Variants in PLD2 observed in about 807,000 individuals in gnomAD.
PLD2 encodes phospholipase D2.
In PLD2, 101 loss-of-function variants were observed where a neutral mutation model predicts 119.8. The observed-to-expected ratio is 0.84, with a 90% CI of 0.72 to 0.99. The LOEUF (loss-of-function observed/expected upper bound fraction) is 0.99, where lower values mean the gene tolerates loss of function less well. Ranked by LOEUF, PLD2 falls within the 50% of genes least tolerant of loss-of-function variation. The pLI is 0.00. For synonymous variants in PLD2, 494 were observed against 482.8 expected (o/e 1.02, Z -0.30); for missense variants, 1,164 against 1,226.8 (o/e 0.95, Z 0.76).
At chr17:4,817,946 A>T (rs184112613) in intron 17 of PLD2, 56 bp from the exon 18 acceptor site, 49 of 1,248,190 alleles carry the variant, frequency 3.9e-5, no homozygotes, top group Non-Finnish European at 5.6e-5. Context: ...CAACAGAGCG[A>T]GACTCTGTCT....
chr17:4,807,612 T>G lies in PLD2; in HGVS notation c.-1-160T>G. 5 of 508,788 alleles carry G rather than the reference T, an allele frequency of 9.8e-6. No homozygotes were observed. The highest frequency in any genetic ancestry group is 5.3e-5 in the South Asian group (2 of 37,934). 31.5% of individuals were successfully genotyped at this position (508,788 alleles called of 1,614,324 possible). On this transcript the variant is annotated intron_variant, in intron 1 of 24. Coordinates refer to ENST00000263088, the MANE Select transcript of PLD2 (RefSeq NM_002663.5). The surrounding 1 kb of genome is among the most constrained non-coding windows in gnomAD (Gnocchi z 5.4). ...GGTAGGGGATGGGGGCTCGAAGGGGTCGGTGGGGCGTTGCAAACTGGTCAG... is the reference window on the plus strand; with the variant it reads ...GGTAGGGGATGGGGGCTCGAAGGGGGCGGTGGGGCGTTGCAAACTGGTCAG...
Position 4,810,956 on chromosome 17 carries a change from G to C in PLD2, c.1010+5G>C. 6.2e-7 allele frequency: 1 copy of C among 1,607,232 alleles called. No homozygotes were observed. Among genetic ancestry groups the C allele is most frequent in the Non-Finnish European group, 8.5e-7 (1 of 1,178,544 alleles). On this transcript the variant is annotated splice_donor_5th_base_variant and intron_variant, in intron 10 of 24. Coordinates refer to ENST00000263088, the MANE Select transcript of PLD2 (RefSeq NM_002663.5). ...GCCTGGGACCTTGGCCCGGTGGTGA[G>C]ACACTGACATCCCTTCTGAGCTTGT...
At chr17:4,822,559 G>T (rs1597341939) in intron 24 of PLD2, 81 bp from the exon 25 acceptor site, 1 of 913,864 alleles carries the variant, frequency 1.1e-6, no homozygotes, top group East Asian at 2.5e-5. Context: ...ATGGTATGGG[G>T]GAAGGGGTCT....
At position 4,819,559 on chromosome 17, in the gene PLD2, G is replaced by C. The variant is rs1456341600; in HGVS notation, c.2439G>C (p.Leu813Phe). The C allele has an allele frequency of 2.5e-6, 4 of 1,612,768 alleles. No individual in the cohort carries two copies. The highest frequency in any genetic ancestry group is 3.4e-6 in the Non-Finnish European group (4 of 1,179,318). The change falls in exon 23 of 25, where the codon TTG (leucine) becomes TTC (phenylalanine). Residue 813 changes from leucine (L) to phenylalanine (F), a missense_variant. By Grantham distance (22) the Leu-to-Phe change is conservative. Transcript: ENST00000263088. This position sits in a 1 kb window ranked among gnomAD's most constrained non-coding sequence, Gnocchi z 4.2. ...AGTATCAGGCGGGCAGGTTTGCCTT[G>C]AGTCTGCGGAAGCACTGCTTCGGGT... ...GAEYQAGRFA[L>F]SLRKHCFGVI...
chr17:4,809,411 C>T, intron 6 of PLD2, 48 bp downstream of exon 6: 1 of 1,612,846 alleles, frequency 6.2e-7, no homozygotes, highest in East Asian at 2.2e-5. Context: ...TTATCAGACC[C>T]TCGGGGAGGA....
chr17:4,821,250 G>C (rs1025227482), intron 23 of PLD2, among the ~76,000 whole-genome samples: 3 of 151,622 alleles, frequency 2.0e-5, no homozygotes, highest in Non-Finnish European at 2.9e-5. Context: ...TCTGAGGATT[G>C]GGGAAAGAAC....
rs1214093387 is a variant in PLD2, at chr17:4,822,693, G to GT, written c.2632dup (p.Tyr878LeufsTer18). On this transcript the variant is annotated frameshift_variant, in exon 25 of 25. Transcript: ENST00000263088. LOFTEE classifies it high-confidence loss of function. ...CGCGTTCCCTGCGGACTCTCCGGGAGTACGTGGCCGTGGAGCCCTTGGCCA... is the reference window on the plus strand; with the variant it reads ...CGCGTTCCCTGCGGACTCTCCGGGAGTTACGTGGCCGTGGAGCCCTTGGCCA... 6.2e-7 allele frequency: 1 copy of GT among 1,614,122 alleles called. No individual in the cohort carries two copies. Among genetic ancestry groups the GT allele is most frequent in the East Asian group, 2.2e-5 (1 of 44,870 alleles).
At position 4,818,528 on chromosome 17, in the gene PLD2, C is replaced by G; in HGVS notation, c.2044C>G (p.Pro682Ala). ...GTGTTACCGAGTCTACGTGCTTTTG[C>G]CCTTACTCCCTGGCTTCGAGGGTGA... ...GWCYRVYVLL[P>A]LLPGFEGDIS... Residue 682 changes from proline to alanine, a missense_variant, in exon 20 of 25, where the codon CCC becomes GCC. Pro to Ala is a conservative substitution (Grantham distance 27, BLOSUM62 -1). Coordinates refer to ENST00000263088, the MANE Select transcript of PLD2 (RefSeq NM_002663.5). 2 of 1,613,968 alleles carry G rather than the reference C, an allele frequency of 1.2e-6. No individual in the cohort carries two copies. The highest frequency in any genetic ancestry group is 1.7e-6 in the Non-Finnish European group (2 of 1,179,900).
At chr17:4,812,910 G>A (rs1182865916) in intron 10 of PLD2, among the ~76,000 whole-genome samples, 1 of 152,134 alleles carries the variant, frequency 6.6e-6, no homozygotes, top group Non-Finnish European at 1.5e-5. Flanking sequence ...GGAGAAGCTG[G>A]GAGTCAGTGG....
rs1906130859 is a variant in PLD2, at chr17:4,808,761, C to A, written c.384-339C>A. ...TCCCTCTGTCACCCAGGCTAGAGTG[C>A]AGTGGTATGATCTTGGCTCATGGCA... On this transcript the variant is annotated intron_variant, in intron 4 of 24. Coordinates refer to ENST00000263088, the MANE Select transcript of PLD2 (RefSeq NM_002663.5). This position sits in a 1 kb window ranked among gnomAD's most constrained non-coding sequence, Gnocchi z 4.1. 6.6e-6 allele frequency among the ~76,000 whole-genome samples: 1 copy of A among 152,148 alleles called. No individual in the cohort carries two copies. The highest frequency in any genetic ancestry group is 1.5e-5 in the Non-Finnish European group (1 of 68,018).
Position 4,808,141 on chromosome 17 carries a change from G to A in PLD2, c.240+27G>A. ...TGGCCAGACTGGCCCCAGGGAGGGGGAAAGGGAGGGCGGCCCGGAATGGAT... is the reference window on the plus strand; with the variant it reads ...TGGCCAGACTGGCCCCAGGGAGGGGAAAAGGGAGGGCGGCCCGGAATGGAT... On this transcript the variant is annotated intron_variant, in intron 3 of 24. Coordinates refer to ENST00000263088, the MANE Select transcript of PLD2 (RefSeq NM_002663.5). The surrounding 1 kb of genome is among the most constrained non-coding windows in gnomAD (Gnocchi z 4.1). The A allele has an allele frequency of 6.3e-7, 1 of 1,599,216 alleles. No homozygotes were observed. The highest frequency in any genetic ancestry group is 8.6e-7 in the Non-Finnish European group (1 of 1,168,666).
chr17:4,809,170 C>A lies in PLD2; in HGVS notation c.454C>A (p.Pro152Thr). The change falls in exon 5 of 25, where the codon CCT becomes ACT. Residue 152 changes from proline to threonine, a missense_variant. Pro to Thr is a conservative substitution (Grantham distance 38). Coordinates refer to ENST00000263088, the MANE Select transcript of PLD2 (RefSeq NM_002663.5). ...GATGCCCTCTCTACCCCGGGCAGGT[C>A]CTGAGGGCTCCACCAGACATGCAGC... Reference protein sequence around the residue: ...REMPSLPRAGPEGSTRHAASK... With the variant: ...REMPSLPRAGTEGSTRHAASK... 1 of 1,614,190 alleles carries A rather than the reference C, an allele frequency of 6.2e-7. No individual in the cohort carries two copies.
Position 4,815,788 on chromosome 17 carries a change from A to C in PLD2, c.1309A>C (p.Thr437Pro). 4.3e-6 allele frequency: 7 copies of C among 1,613,900 alleles called. No individual in the cohort carries two copies. Among genetic ancestry groups the C allele is most frequent in the Non-Finnish European group, 5.1e-6 (6 of 1,179,942 alleles). The change falls in exon 14 of 25, where the codon ACG (threonine) becomes CCG (proline). Residue 437 changes from threonine (T) to proline (P), a missense_variant. Physicochemically the swap from Thr to Pro is conservative, Grantham distance 38 (BLOSUM62 -1). Coordinates refer to ENST00000263088, the MANE Select transcript of PLD2 (RefSeq NM_002663.5). ...IKVMRHPDQV[T>P]LWAHHEKLLV... Reference sequence around the variant, plus strand: ...GGTGATGCGTCACCCAGACCAAGTGACGTTGTGGGCCCATCATGAGAAGCT... The same window carrying C: ...GGTGATGCGTCACCCAGACCAAGTGCCGTTGTGGGCCCATCATGAGAAGCT...
Position 4,808,856 on chromosome 17 carries a change from A to T in PLD2, c.384-244A>T, listed in dbSNP as rs1431556141. ...GCTAGGACCACAGCCACCACACCCA[A>T]CTAATTTTTGTATATTTTGTAGAGA... On this transcript the variant is annotated intron_variant, in intron 4 of 24. Transcript: ENST00000263088. This position sits in a 1 kb window ranked among gnomAD's most constrained non-coding sequence, Gnocchi z 4.1. Among the ~76,000 whole-genome samples the T allele has an allele frequency of 1.3e-5, 2 of 151,830 alleles. No individual in the cohort carries two copies. The highest frequency in any genetic ancestry group is 1.3e-4 in the Admixed American group (2 of 15,218).
chr17:4,817,835 GTAGTCCCAGCTACT>G, intron 17 of PLD2, 153 bp from the exon 18 acceptor site: 1 of 539,442 alleles, frequency 1.9e-6, no homozygotes, highest in Non-Finnish European at 3.3e-6. Flanking sequence ...GTGCGTACCT[GTAGTCCCAGCTACT>G]TAGGAGGCTG....
At chr17:4,817,327 C>T in intron 17 of PLD2, 68 bp downstream of exon 17, 1 of 1,020,194 alleles carries the variant, frequency 9.8e-7, no homozygotes, top group Non-Finnish European at 1.6e-6. Flanking sequence ...ACCCACTCTC[C>T]CTGGTGTGAG....
rs1361622171 is a variant in PLD2, at chr17:4,807,542, G to GGCGGGGA, written c.-1-224_-1-223insAGCGGGG. 7 of 421,830 alleles carry GGCGGGGA rather than the reference G, an allele frequency of 1.7e-5. No individual in the cohort carries two copies. In the South Asian group the frequency reaches 2.5e-4, roughly 15 times the overall value. 26.1% of individuals were successfully genotyped at this position (421,830 alleles called of 1,614,324 possible). A position where few individuals can be genotyped will look rare whatever the true frequency, so the allele number is the denominator to read the frequency against. On this transcript the variant is annotated intron_variant, in intron 1 of 24. Transcript: ENST00000263088. The surrounding 1 kb of genome is among the most constrained non-coding windows in gnomAD (Gnocchi z 5.4). Reference sequence around the variant, plus strand: ...CCCCGGGGCTCTGGTTACGGGACGGGGCGGGGGGCGGGGGGCGGGACTGGG... The same window carrying GGCGGGGA: ...CCCCGGGGCTCTGGTTACGGGACGGGGCGGGGAGCGGGGGGCGGGGGGCGGGACTGGG...
At chr17:4,821,225 A>AT (rs1359316726) in intron 23 of PLD2, among the ~76,000 whole-genome samples, 1 of 152,034 alleles carries the variant, frequency 6.6e-6, no homozygotes, top group Non-Finnish European at 1.5e-5. Context: ...TTTAAAAGTA[A>AT]TTTTTTTCAC....
chr17:4,808,530 C>A lies in PLD2; in HGVS notation c.383+114C>A. 1 of 953,578 alleles carries A rather than the reference C, an allele frequency of 1.0e-6. No individual in the cohort carries two copies. Among genetic ancestry groups the A allele is most frequent in the Non-Finnish European group, 1.6e-6 (1 of 621,920 alleles). 59.1% of individuals were successfully genotyped at this position (953,578 alleles called of 1,614,324 possible). On this transcript the variant is annotated intron_variant, in intron 4 of 24. Transcript: ENST00000263088. The surrounding 1 kb of genome is among the most constrained non-coding windows in gnomAD (Gnocchi z 4.1). ...CCCTGCAACTCTGGCCACTGTGCTG[C>A]CTCCCCTGACCCCAGTTACCAGGAA...
Sources: gnomAD v4.1 joint callset for allele counts (sites outside exome capture counted in the v4.1 genomes callset) on GRCh38, gnomAD v4.1.1 for gene constraint, Gnocchi (gnomAD v3.1) non-coding constraint, MANE v1.5 for transcripts, NCBI Gene and HGNC (gene_info 2026-07-23, HGNC 2026-07-21) for gene names.